WIPI2: variants seen among roughly 807,000 people sequenced by gnomAD.
The protein encoded by WIPI2 is WD repeat domain phosphoinositide-interacting protein 2.
WIPI2 carries 28 observed loss-of-function variants against 52.3 expected under a neutral mutation model. The observed-to-expected ratio is 0.54, with a 90% CI of 0.40 to 0.73. WIPI2 has a LOEUF of 0.73. Among genes scored for constraint, WIPI2 ranks in the 30% least tolerant of loss-of-function variants. The pLI is 0.00. For missense variants in WIPI2, 506 were observed against 602.9 expected, an observed-to-expected ratio of 0.84 and a Z score of 1.68; for synonymous variants, 268 against 245.0, an observed-to-expected ratio of 1.09 and a Z score of -0.88.
Position 5,227,332 on chromosome 7 carries a change from G to T in WIPI2, c.1001G>T (p.Cys334Phe). ...RLPFCGHKNI[C>F]SLATIQKIPR... ...CCATTCTGCGGCCACAAAAACATCT[G>T]CTCGCTAGCCACGTGAGTAGAGCCG... is the stretch of plus-strand genomic sequence containing the variant. The change falls in exon 10 of 13, where the codon TGC becomes TTC. Residue 334 changes from cysteine to phenylalanine, a missense_variant. Cys to Phe is a radical substitution (Grantham distance 205, BLOSUM62 -2). This residue lies in a region of WIPI2 where 194 missense variants were observed against 175.1 expected (regional missense o/e 1.11). Coordinates refer to ENST00000288828, the MANE Select transcript of WIPI2 (RefSeq NM_015610.4). The surrounding 1 kb of genome is among the most constrained non-coding windows in gnomAD (Gnocchi z 8.1). 6.2e-7 allele frequency: 1 copy of T among 1,613,404 alleles called. No individual in the cohort carries two copies. The highest frequency in any genetic ancestry group is 8.5e-7 in the Non-Finnish European group (1 of 1,180,026).
At chr7:5,209,013 A>ATTTTTTT (rs55697377) in intron 3 of WIPI2, among the ~76,000 whole-genome samples, 31 of 92,878 alleles carry the variant, frequency 3.3e-4, no homozygotes, top group East Asian at 6.3e-4. Context: ...ATATTCTGTG[A>ATTTTTTT]TTTTTTTTTT....
rs537546467 is a variant in WIPI2, at chr7:5,223,642, G to A, written c.740+970G>A. ...CCTTCCTCACCCCCGTGGCCTGTGT[G>A]TGTGCTGATCCCGGGGCTGGACGTG... On this transcript the variant is annotated intron_variant, in intron 8 of 12. Coordinates refer to ENST00000288828, the MANE Select transcript of WIPI2 (RefSeq NM_015610.4). Among the ~76,000 whole-genome samples the A allele has an allele frequency of 2.6e-5, 4 of 152,302 alleles. No individual in the cohort carries two copies. The South Asian group carries it at 8.3e-4, about 32-fold the overall frequency.
At chr7:5,214,054 T>A in intron 3 of WIPI2, 1 of 229,244 alleles carries the variant, frequency 4.4e-6, no homozygotes, top group South Asian at 6.0e-5. Context: ...ATCTTTTTAA[T>A]AAATATGTGT....
chr7:5,193,904 C>G (rs1424246450), intron 2 of WIPI2, among the ~76,000 whole-genome samples: 1 of 152,148 alleles, frequency 6.6e-6, no homozygotes. Flanking sequence ...ATCCTTCACC[C>G]TTAAAGTTTT....
At chr7:5,199,891 A>G (rs891997905) in intron 3 of WIPI2, among the ~76,000 whole-genome samples, 10 of 152,276 alleles carry the variant, frequency 6.6e-5, no homozygotes, top group African/African-American at 2.4e-4. Flanking sequence ...AGCTCTGTTC[A>G]TGAGGGTCTT....
intron 9 of WIPI2, chr7:5,226,131 C>T (rs1783419017): frequency 3.4e-6 from 2 of 583,068 alleles, no homozygotes; most frequent in Non-Finnish European, 3.1e-6. Context: ...GAGCTTCTCC[C>T]ACAGGCAGCA....
At chr7:5,219,855 A>T (rs1419347374) in intron 7 of WIPI2, among the ~76,000 whole-genome samples, 2 of 151,056 alleles carry the variant, frequency 1.3e-5, no homozygotes, top group Non-Finnish European at 2.9e-5. Context: ...TTTTTGAGAC[A>T]GGGTCATGCT....
intron 3 of WIPI2, among the ~76,000 whole-genome samples, chr7:5,207,650 TG>T (rs774807527): frequency 2.6e-5 from 4 of 152,194 alleles, no homozygotes; most frequent in Admixed American, 1.3e-4. Flanking sequence ...GTGGAATTGT[TG>T]GCTAGATATG....
intron 1 of WIPI2, among the ~76,000 whole-genome samples, chr7:5,191,132 G>A (rs540609721): frequency 6.6e-6 from 1 of 152,148 alleles, no homozygotes; most frequent in East Asian, 1.9e-4. Context: ...CGATTCTCCT[G>A]CCTCAGCCTC....
chr7:5,205,632 G>A (rs575747423), intron 3 of WIPI2, among the ~76,000 whole-genome samples: 1 of 152,222 alleles, frequency 6.6e-6, no homozygotes, highest in South Asian at 2.1e-4. Context: ...AGCCTCCTTA[G>A]TAGCTGGGAC....
At chr7:5,207,658 T>TA (rs1377810639) in intron 3 of WIPI2, among the ~76,000 whole-genome samples, 3 of 152,204 alleles carry the variant, frequency 2.0e-5, no homozygotes, top group Admixed American at 2.0e-4. Flanking sequence ...GTTGGCTAGA[T>TA]ATGTGTTTAG....
chr7:5,191,448 C>CCAGGAGTCTCAGAGCT (rs1781481253), intron 1 of WIPI2, among the ~76,000 whole-genome samples: 1 of 152,146 alleles, frequency 6.6e-6, no homozygotes, highest in Non-Finnish European at 1.5e-5. Context: ...GACCAGTGCC[C>CCAGGAGTCTCAGAGCT]CAGGAGTCTC....
intron 2 of WIPI2, among the ~76,000 whole-genome samples, chr7:5,196,264 G>A (rs112110355): frequency 1.3e-4 from 19 of 151,850 alleles, no homozygotes; most frequent in Admixed American, 3.9e-4. Flanking sequence ...CAGGAGAATC[G>A]CTTGAACCCA....
intron 3 of WIPI2, among the ~76,000 whole-genome samples, chr7:5,203,583 A>G (rs1291500816): frequency 6.8e-6 from 1 of 147,808 alleles, no homozygotes; most frequent in Non-Finnish European, 1.5e-5. Flanking sequence ...GCAAGGCCTC[A>G]TTCCTCCAGT....
rs1265987575 is a variant in WIPI2, at chr7:5,227,292, G to A, written c.961G>A (p.Ala321Thr). 7 of 1,612,662 alleles carry A rather than the reference G, an allele frequency of 4.3e-6. No homozygotes were observed. Among genetic ancestry groups the A allele is most frequent in the East Asian group, 2.2e-5 (1 of 44,900 alleles). Residue 321 changes from alanine to threonine, a missense_variant, in exon 10 of 13, where the codon GCC becomes ACC. Physicochemically the swap from Ala to Thr is moderately conservative, Grantham distance 58. Transcript: ENST00000288828. This position sits in a 1 kb window ranked among gnomAD's most constrained non-coding sequence, Gnocchi z 8.1. ...TEMFNQGRAF[A>T]TVRLPFCGHK... Reference sequence around the variant, plus strand: ...AATGTTCAACCAGGGCAGAGCCTTCGCCACGGTCCGCCTGCCATTCTGCGG... The same window carrying A: ...AATGTTCAACCAGGGCAGAGCCTTCACCACGGTCCGCCTGCCATTCTGCGG...
rs926962663 is a variant in WIPI2 at position 5,230,610 on chromosome 7, G to A, written c.1253-225G>A. On this transcript the variant is annotated intron_variant, in intron 12 of 12. Coordinates refer to ENST00000288828, the MANE Select transcript of WIPI2 (RefSeq NM_015610.4). This position sits in a 1 kb window ranked among gnomAD's most constrained non-coding sequence, Gnocchi z 4.8. The stretch of plus-strand genomic sequence containing the variant: ...GAGGGAGCCTCTGTTTACTGTGCAG[G>A]CATCATTTTGACATTTATGAATGTC... 6.6e-6 allele frequency among the ~76,000 whole-genome samples: 1 copy of A among 152,204 alleles called. No individual in the cohort carries two copies. Among genetic ancestry groups the A allele is most frequent in the African/African-American group, 2.4e-5 (1 of 41,446 alleles).
intron 3 of WIPI2, among the ~76,000 whole-genome samples, chr7:5,208,948 C>G (rs562444927): frequency 4.0e-5 from 6 of 151,422 alleles, no homozygotes; most frequent in African/African-American, 9.7e-5. Flanking sequence ...TATTGAGTAC[C>G]CAGAATATGG....
chr7:5,210,045 T>A (rs1782479277), intron 3 of WIPI2, among the ~76,000 whole-genome samples: 1 of 146,544 alleles, frequency 6.8e-6, no homozygotes, highest in African/African-American at 2.5e-5. Flanking sequence ...GTAGCTGGGA[T>A]TACAGGCGCC....
At chr7:5,201,110 G>T (rs1368425573) in intron 3 of WIPI2, among the ~76,000 whole-genome samples, 1 of 152,182 alleles carries the variant, frequency 6.6e-6, no homozygotes, top group East Asian at 1.9e-4. Context: ...CTGTCACCTG[G>T]CTGCCTTCAC....
Sources: gnomAD v4.1 joint callset for allele counts (sites outside exome capture counted in the v4.1 genomes callset) on GRCh38, gnomAD v4.1.1 for gene constraint, gnomAD v4.1.1 regional missense constraint, Gnocchi (gnomAD v3.1) non-coding constraint, MANE v1.5 for transcripts, NCBI Gene and HGNC (gene_info 2026-07-23, HGNC 2026-07-21) for gene names.